INO80E: variants seen among roughly 807,000 people sequenced by gnomAD.
The protein encoded by INO80E is coiled-coil domain containing 95.
In INO80E, 20 loss-of-function variants were observed where a neutral mutation model predicts 27.3. The ratio of observed to expected loss-of-function variants is 0.73; its 90% CI spans 0.51 to 1.06. INO80E has a LOEUF of 1.06. INO80E is among the 50% of genes least tolerant of loss of function. The probability of loss-of-function intolerance (pLI) is 0.00; values close to 1 mark genes in which losing one functional copy is unlikely to be tolerated. For missense variants in INO80E, 357 were observed against 322.8 expected, an observed-to-expected ratio of 1.11 and a Z score of -0.81; for synonymous variants, 167 against 145.9, an observed-to-expected ratio of 1.14 and a Z score of -1.04.
intron 3 of INO80E, among the ~76,000 whole-genome samples, chr16:29,998,043 G>C (rs2070203057): frequency 6.6e-6 from 1 of 152,118 alleles, no homozygotes; most frequent in Admixed American, 6.5e-5. Flanking sequence ...TAGCACCGCT[G>C]TGCTCCAGCC....
At chr16:29,998,576 C>T (rs2070226167) in intron 3 of INO80E, among the ~76,000 whole-genome samples, 1 of 152,196 alleles carries the variant, frequency 6.6e-6, no homozygotes, top group Non-Finnish European at 1.5e-5. Context: ...TTTTAGACTG[C>T]TTTTTTCCCC....
intron 3 of INO80E, among the ~76,000 whole-genome samples, chr16:29,999,841 G>A (rs1310714400): frequency 2.0e-5 from 3 of 152,160 alleles, no homozygotes; most frequent in East Asian, 1.9e-4. Flanking sequence ...TCTGGGGTTG[G>A]GGGTGGACAG....
chr16:30,005,157 C>T (rs1457913749), intron 6 of INO80E, 64 bp from the exon 7 acceptor site: 1 of 1,417,636 alleles, frequency 7.1e-7, no homozygotes, highest in Non-Finnish European at 9.2e-7. Context: ...GGGGCAAAGC[C>T]TAGTCTCCTG....
rs576322517 is a variant in INO80E, at chr16:30,005,641, C to T, written c.*199C>T. 6.2e-5 allele frequency: 37 copies of T among 598,816 alleles called. No homozygotes were observed. The African/African-American group carries it at 6.5e-4, about 11-fold the overall frequency. The allele number at this position is 598,816 out of a possible 1,614,324, so 37.1% of individuals were successfully genotyped here. A position where few individuals can be genotyped will look rare whatever the true frequency, so the allele number is the denominator to read the frequency against. On this transcript the variant is annotated 3_prime_UTR_variant, in exon 7 of 7. Coordinates refer to ENST00000563197, the MANE Select transcript of INO80E (RefSeq NM_173618.3). Reference sequence around the variant, plus strand: ...GGCCCTGCCTTCAAACCCCGGCCCCCTCCAGGGGACAGTTATTTAAACGAG... The same window carrying T: ...GGCCCTGCCTTCAAACCCCGGCCCCTTCCAGGGGACAGTTATTTAAACGAG...
At chr16:29,998,290 CAAAAAAA>C (rs796207569) in intron 3 of INO80E, among the ~76,000 whole-genome samples, 2 of 77,598 alleles carry the variant, frequency 2.6e-5, no homozygotes, top group East Asian at 5.0e-4. Flanking sequence ...GACTCCATCT[CAAAAAAA>C]AAAAAAAAAC....
At position 30,005,331 on chromosome 16, in the gene INO80E, G is replaced by GGCCCC; in HGVS notation, c.624_625insGCCCC (p.Pro209AlafsTer8). On this transcript the variant is annotated frameshift_variant, in exon 7 of 7. Coordinates refer to ENST00000563197, the MANE Select transcript of INO80E (RefSeq NM_173618.3). LOFTEE classifies it high-confidence loss of function. Reference sequence around the variant, plus strand: ...TGACCCCCCTCCCACCCCCTAAGATGCCCCCCCCCACGATCCTGAGCACGG... The same window carrying GGCCCC: ...TGACCCCCCTCCCACCCCCTAAGATGGCCCCCCCCCCCCCACGATCCTGAGCACGG... The GGCCCC allele has an allele frequency of 9.3e-7, 1 of 1,071,844 alleles. No homozygotes were observed. The highest frequency in any genetic ancestry group is 1.1e-6 in the Non-Finnish European group (1 of 877,558). 66.4% of individuals were successfully genotyped at this position (1,071,844 alleles called of 1,614,324 possible).
At position 29,996,300 on chromosome 16, in the gene INO80E, C is replaced by T. The variant is rs776383193; in HGVS notation, c.-11C>T. On this transcript the variant is annotated 5_prime_UTR_variant, in exon 1 of 7. Coordinates refer to ENST00000563197, the MANE Select transcript of INO80E (RefSeq NM_173618.3). ...GGAGGGCAGACTCTGGGCGCCACTCCCGGGCCGGTCATGAACGGGCCGGCG... is the reference window on the plus strand; with the variant it reads ...GGAGGGCAGACTCTGGGCGCCACTCTCGGGCCGGTCATGAACGGGCCGGCG... The T allele has an allele frequency of 2.0e-5, 31 of 1,584,784 alleles. No homozygotes were observed. The highest frequency in any genetic ancestry group is 1.6e-4 in the Admixed American group (9 of 55,778).
intron 3 of INO80E, among the ~76,000 whole-genome samples, chr16:30,000,421 C>T (rs959031652): frequency 1.1e-4 from 17 of 152,126 alleles, no homozygotes; most frequent in African/African-American, 3.6e-4. Flanking sequence ...CCCAGGCTGG[C>T]GTGCAGTGTT....
intron 3 of INO80E, among the ~76,000 whole-genome samples, chr16:30,000,012 A>T (rs2070288123): frequency 6.6e-6 from 1 of 152,130 alleles, no homozygotes. Context: ...CAGGAGTTGA[A>T]GACTGCTCAG....
Position 29,996,794 on chromosome 16 carries a change from T to G in INO80E, c.153-14T>G. 1 of 1,613,908 alleles carries G rather than the reference T, an allele frequency of 6.2e-7. No homozygotes were observed. Among genetic ancestry groups the G allele is most frequent in the Non-Finnish European group, 8.5e-7 (1 of 1,179,774 alleles). On this transcript the variant is annotated splice_polypyrimidine_tract_variant and intron_variant, in intron 2 of 6. Coordinates refer to ENST00000563197, the MANE Select transcript of INO80E (RefSeq NM_173618.3). ...CTGGAAAATCACTGTCCGTGTCTCC[T>G]TCCCTCCCCTCAGTTTCCTCCTAGA...
chr16:30,004,609 A>C (rs1420176495), intron 6 of INO80E: 1 of 154,910 alleles, frequency 6.5e-6, no homozygotes, highest in Admixed American at 6.5e-5. Flanking sequence ...TGGATCTGGG[A>C]GAGGCTGCGG....
In INO80E at chr16:29,996,606, C is replaced by T. The variant is rs2070126015; in HGVS notation, c.141C>T (p.Ser47=). 6.3e-7 allele frequency: 1 copy of T among 1,579,928 alleles called. No individual in the cohort carries two copies. The highest frequency in any genetic ancestry group is 8.6e-7 in the Non-Finnish European group (1 of 1,162,864). The change falls in exon 2 of 7, where the codon TCC becomes TCT. Residue 47 remains serine, a synonymous_variant. Transcript: ENST00000563197. ...RKAQRKLLKV[S]RDKSFLLDRL... is the part of the protein sequence containing the mutation. ...CGCAAAGGAAATTACTGAAGGTGTC[C>T]CGGGACAAGAGGTGAGGCACGTTGC...
At chr16:30,005,120 T>G in intron 6 of INO80E, 101 bp from the exon 7 acceptor site, 1 of 1,307,358 alleles carries the variant, frequency 7.6e-7, no homozygotes, top group South Asian at 1.8e-5. Flanking sequence ...GCCCAGGGCC[T>G]CTTCCCCCTC....
intron 6 of INO80E, 125 bp downstream of exon 6, chr16:30,001,655 A>C (rs908677925): frequency 2.4e-6 from 2 of 838,716 alleles, no homozygotes; most frequent in Admixed American, 5.3e-5. Context: ...GTCAGCACTT[A>C]GCACTGAGGG....
At position 30,001,480 on chromosome 16, in the gene INO80E, C is replaced by A. The variant is rs776993303; in HGVS notation, c.463C>A (p.Pro155Thr). The part of the protein sequence containing the change: ...YLALQLPEPS[P>T]LRPKREKRPR... ...GGCCCTGCAGCTGCCCGAGCCCAGT[C>A]CCCTGAGGCCCAAGCGGGAGAAACG... The change falls in exon 6 of 7, where the codon CCC becomes ACC. Residue 155 changes from proline (P) to threonine (T), a missense_variant. Pro to Thr is a conservative substitution (Grantham distance 38). Transcript: ENST00000563197. The A allele has an allele frequency of 6.2e-7, 1 of 1,613,300 alleles. No homozygotes were observed. Among genetic ancestry groups the A allele is most frequent in the Non-Finnish European group, 8.5e-7 (1 of 1,179,712 alleles).
At chr16:29,996,696 C>T in intron 2 of INO80E, 79 bp downstream of exon 2, 3 of 1,586,464 alleles carry the variant, frequency 1.9e-6, no homozygotes, top group Admixed American at 1.7e-5. Context: ...AGTAGGGCCA[C>T]AAGTGCATGG....
Position 30,005,311 on chromosome 16 carries a change from C to A in INO80E, c.604C>A (p.Pro202Thr). The A allele has an allele frequency of 6.8e-6, 7 of 1,036,884 alleles. No homozygotes were observed. Among genetic ancestry groups the A allele is most frequent in the South Asian group, 1.9e-5 (1 of 52,430 alleles). The allele number at this position is 1,036,884 out of a possible 1,614,324, so 64.2% of individuals were successfully genotyped here. Residue 202 changes from proline to threonine, a missense_variant, in exon 7 of 7, where the codon CCC becomes ACC. Physicochemically the swap from Pro to Thr is conservative, Grantham distance 38. Transcript: ENST00000563197. ...SGAGVGTTLT[P>T]LPPPKMPPPT... ...GGCTGGGGTCGGGACAACCCTGACC[C>A]CCCTCCCACCCCCTAAGATGCCCCC...
intron 5 of INO80E, 151 bp downstream of exon 5, chr16:30,001,191 G>A (rs1567269321): frequency 1.6e-5 from 23 of 1,475,296 alleles, no homozygotes; most frequent in Non-Finnish European, 2.1e-5. Context: ...AGTCGGGGCT[G>A]CCCCCTTCTC....
At position 30,005,531 on chromosome 16, in the gene INO80E, T is replaced by C. The variant is rs553762569; in HGVS notation, c.*89T>C. On this transcript the variant is annotated 3_prime_UTR_variant, in exon 7 of 7. Transcript: ENST00000563197. Reference sequence around the variant, plus strand: ...AGTCCAGCTTCCTCGGAGGTGTTTATTGATGCCCAGCTGCCATGCTCCGGC... The same window carrying C: ...AGTCCAGCTTCCTCGGAGGTGTTTACTGATGCCCAGCTGCCATGCTCCGGC... 6.5e-6 allele frequency: 8 copies of C among 1,235,692 alleles called. No individual in the cohort carries two copies. Among genetic ancestry groups the C allele is most frequent in the African/African-American group, 3.0e-5 (2 of 66,064 alleles). 76.5% of individuals were successfully genotyped at this position (1,235,692 alleles called of 1,614,324 possible). A position where few individuals can be genotyped will look rare whatever the true frequency, so the allele number is the denominator to read the frequency against.
Sources: allele counts gnomAD v4.1 joint callset (sites outside exome capture counted in the v4.1 genomes callset), GRCh38; gene constraint gnomAD v4.1.1; transcripts MANE v1.5; gene names NCBI Gene and HGNC (gene_info 2026-07-23, HGNC 2026-07-21).